The following SH3RF3 variants were observed in gnomAD, a reference collection of about 807,000 sequenced individuals.
SH3RF3 encodes E3 ubiquitin-protein ligase SH3RF3.
In SH3RF3, 29 loss-of-function variants were observed where a neutral mutation model predicts 66.3. That is an observed-to-expected ratio of 0.44 (90% confidence interval 0.33 to 0.60). The LOEUF is 0.60. Among genes scored for constraint, SH3RF3 ranks in the 20% least tolerant of loss-of-function variants. SH3RF3 has a pLI of 0.04. For synonymous variants in SH3RF3, 583 were observed against 532.0 expected (o/e 1.10, Z -1.32); for missense variants, 1,194 against 1,190.9 (o/e 1.00, Z -0.04).
At chr2:109,191,625 G>A (rs761760878) in intron 1 of SH3RF3, among the ~76,000 whole-genome samples, 6 of 152,162 alleles carry the variant, frequency 3.9e-5, no homozygotes, top group Non-Finnish European at 8.8e-5. Flanking sequence ...AAGTGGAATT[G>A]CAGCAAGAGC....
At chr2:109,418,860 A>C (rs1336121605) in intron 4 of SH3RF3, among the ~76,000 whole-genome samples, 1 of 152,150 alleles carries the variant, frequency 6.6e-6, no homozygotes, top group Non-Finnish European at 1.5e-5. Flanking sequence ...GCTGCCCTGC[A>C]TGGGCTGGGA....
chr2:109,432,623 C>T lies in SH3RF3; in HGVS notation c.1526C>T (p.Thr509Ile), dbSNP rs1407624316. 3 of 1,612,992 alleles carry T rather than the reference C, an allele frequency of 1.9e-6. No individual in the cohort carries two copies. Among genetic ancestry groups the T allele is most frequent in the Non-Finnish European group, 2.5e-6 (3 of 1,179,588 alleles). ...DGWFKGASLR[T>I]GVSGVFPGNY... ...TGGTTCAAGGGGGCGTCTCTGAGGA[C>T]CGGGGTCTCTGGGGTGTTCCCCGGA... The change falls in exon 6 of 10, where the codon ACC becomes ATC. Residue 509 changes from threonine to isoleucine, a missense_variant. Coordinates refer to ENST00000309415, the MANE Select transcript of SH3RF3 (RefSeq NM_001099289.3).
At chr2:109,471,206 CAAAAAAAAAAAAAAAA>C (rs61224177) in intron 8 of SH3RF3, among the ~76,000 whole-genome samples, 80 of 40,168 alleles carry the variant, frequency 2.0e-3, no homozygotes, top group South Asian at 7.4e-3. Flanking sequence ...GACTCTGTCT[CAAAAAAAAAAAAAAAA>C]AAAAAAAAAG....
rs745458007 is a variant in SH3RF3 at position 109,129,898 on chromosome 2, G to C, written c.358G>C (p.Gly120Arg). Residue 120 changes from glycine to arginine, a missense_variant, in exon 1 of 10, where the codon GGC becomes CGC. Gly to Arg is a moderately radical substitution (Grantham distance 125). Transcript: ENST00000309415. Reference protein sequence around the residue: ...ANILLVRLLDGIRQRPRAGTS... With the variant: ...ANILLVRLLDRIRQRPRAGTS... The stretch of plus-strand genomic sequence containing the variant: ...CATCTTGCTGGTGCGACTGCTGGAC[G>C]GCATCCGTCAGCGGCCCCGCGCGGG... The C allele has an allele frequency of 2.6e-6, 4 of 1,511,102 alleles. No individual in the cohort carries two copies. The highest frequency in any genetic ancestry group is 2.5e-5 in the South Asian group (2 of 81,392). The allele number at this position is 1,511,102 out of a possible 1,614,324, so 93.6% of individuals were successfully genotyped here. A position where few individuals can be genotyped will look rare whatever the true frequency, so the allele number is the denominator to read the frequency against.
At chr2:109,361,619 A>G (rs1683052308) in intron 2 of SH3RF3, among the ~76,000 whole-genome samples, 1 of 152,086 alleles carries the variant, frequency 6.6e-6, no homozygotes, top group Non-Finnish European at 1.5e-5. Flanking sequence ...GACTACAGGC[A>G]TACGCCACCA....
chr2:109,470,159 G>T lies in SH3RF3; in HGVS notation c.2149-20446G>T, dbSNP rs553077429. 6.6e-5 allele frequency among the ~76,000 whole-genome samples: 10 copies of T among 152,210 alleles called. No individual in the cohort carries two copies. The South Asian group carries it at 2.1e-3, about 32-fold the overall frequency. Reference sequence around the variant, plus strand: ...TCCTTGTCCCTTCTGGGGTGGCTGGGGTGGCCCTGTCTCCTCACCAAAGGC... The same window carrying T: ...TCCTTGTCCCTTCTGGGGTGGCTGGTGTGGCCCTGTCTCCTCACCAAAGGC... On this transcript the variant is annotated intron_variant, in intron 8 of 9. Coordinates refer to ENST00000309415, the MANE Select transcript of SH3RF3 (RefSeq NM_001099289.3).
chr2:109,468,808 C>T (rs1055693116), intron 8 of SH3RF3, among the ~76,000 whole-genome samples: 1 of 144,096 alleles, frequency 6.9e-6, no homozygotes, highest in South Asian at 2.2e-4. Context: ...GAGCCAAGAT[C>T]GCGGCAGTGC....
chr2:109,202,807 C>T (rs530464652), intron 1 of SH3RF3, among the ~76,000 whole-genome samples: 43 of 152,258 alleles, frequency 2.8e-4, no homozygotes, highest in Middle Eastern at 6.8e-3. Context: ...CAAAGGGGGT[C>T]GAGAGCCCCA....
chr2:109,350,089 G>A (rs964359928), intron 2 of SH3RF3, among the ~76,000 whole-genome samples: 3 of 152,248 alleles, frequency 2.0e-5, no homozygotes, highest in Non-Finnish European at 4.4e-5. Context: ...GTGGGCTCCT[G>A]AGTAGTCAGT....
intron 1 of SH3RF3, among the ~76,000 whole-genome samples, chr2:109,165,603 C>T (rs909119231): frequency 2.0e-5 from 3 of 152,170 alleles, no homozygotes; most frequent in Non-Finnish European, 1.5e-5. Flanking sequence ...CCTTGACAGA[C>T]ATTGCCAACT....
intron 1 of SH3RF3, among the ~76,000 whole-genome samples, chr2:109,291,089 C>T (rs1194949312): frequency 1.3e-5 from 2 of 152,158 alleles, no homozygotes; most frequent in Non-Finnish European, 2.9e-5. Flanking sequence ...TCCTTGACCC[C>T]AAAGGTGTCC....
intron 4 of SH3RF3, among the ~76,000 whole-genome samples, chr2:109,412,338 G>A (rs1236348741): frequency 6.6e-6 from 1 of 152,212 alleles, no homozygotes; most frequent in Non-Finnish European, 1.5e-5. Context: ...GCCGGGGCAG[G>A]CTTCAGGCAG....
intron 4 of SH3RF3, among the ~76,000 whole-genome samples, chr2:109,399,411 T>C (rs1052272346): frequency 3.3e-5 from 5 of 152,138 alleles, no homozygotes; most frequent in African/African-American, 9.7e-5. Flanking sequence ...CTGTTGTTTC[T>C]ACAGATACCT....
At chr2:109,408,532 G>A (rs1031255799) in intron 4 of SH3RF3, among the ~76,000 whole-genome samples, 7 of 152,200 alleles carry the variant, frequency 4.6e-5, no homozygotes, top group Admixed American at 3.3e-4. Flanking sequence ...TCACGCCCAG[G>A]CCGGGTTCGC....
chr2:109,486,243 A>AT (rs995679741), intron 8 of SH3RF3, among the ~76,000 whole-genome samples: 12 of 152,240 alleles, frequency 7.9e-5, no homozygotes, highest in Admixed American at 5.9e-4. Flanking sequence ...TATCAGAATC[A>AT]TTTTTTGGTC....
chr2:109,156,704 A>G (rs1677356133), intron 1 of SH3RF3, among the ~76,000 whole-genome samples: 1 of 152,072 alleles, frequency 6.6e-6, no homozygotes, highest in African/African-American at 2.4e-5. Context: ...CGGCCTCCCA[A>G]AGTGCTGGGA....
chr2:109,429,494 G>A (rs1158588699), intron 5 of SH3RF3, among the ~76,000 whole-genome samples: 1 of 152,178 alleles, frequency 6.6e-6, no homozygotes, highest in Non-Finnish European at 1.5e-5. Flanking sequence ...TAGTGCCCTG[G>A]TGCACGTCAG....
chr2:109,199,597 T>TTAACC (rs1558953918), intron 1 of SH3RF3, among the ~76,000 whole-genome samples: 24 of 268 alleles, frequency 0.09, no homozygotes, highest in South Asian at 0.25. Context: ...TGGAATGGAA[T>TTAACC]GGAATGGAAT....
intron 1 of SH3RF3, among the ~76,000 whole-genome samples, chr2:109,172,634 G>A (rs149599474): frequency 4.8e-4 from 73 of 152,302 alleles, no homozygotes; most frequent in African/African-American, 1.7e-3. Context: ...CCTCTCCGGA[G>A]CCCATAGCAG....
Sources: allele counts gnomAD v4.1 joint callset (sites outside exome capture counted in the v4.1 genomes callset), GRCh38; gene constraint gnomAD v4.1.1; transcripts MANE v1.5; gene names NCBI Gene and HGNC (gene_info 2026-07-23, HGNC 2026-07-21).